The following ZNF474 variants were observed in gnomAD, a reference collection of about 807,000 sequenced individuals.
The protein encoded by ZNF474 is 4933409D10Rik.
For missense variants in ZNF474, 511 were observed against 433.8 expected, an observed-to-expected ratio of 1.18 and a Z score of -1.58; for synonymous variants, 192 against 162.2, an observed-to-expected ratio of 1.18 and a Z score of -1.39.
At chr5:122,129,887 T>C (rs1755537544) in intron 1 of ZNF474, among the ~76,000 whole-genome samples, 1 of 152,200 alleles carries the variant, frequency 6.6e-6, no homozygotes, top group South Asian at 2.1e-4. Context: ...TAATTAGTTC[T>C]TAAGTGAAAA....
intron 1 of ZNF474, chr5:122,147,960 C>G (rs772472170): frequency 6.6e-6 from 1 of 152,186 alleles, no homozygotes; most frequent in East Asian, 1.9e-4. Context: ...ATGGTCAAAA[C>G]GAATAATTCA....
intron 1 of ZNF474, among the ~76,000 whole-genome samples, chr5:122,136,066 G>A (rs1755692742): frequency 6.6e-6 from 1 of 152,110 alleles, no homozygotes; most frequent in Admixed American, 6.6e-5. Flanking sequence ...AAGACGTAAT[G>A]TTCAGGAGCA....
intron 1 of ZNF474, among the ~76,000 whole-genome samples, chr5:122,137,721 G>A (rs2152604067): frequency 6.6e-6 from 1 of 152,314 alleles, no homozygotes; most frequent in Non-Finnish European, 1.5e-5. Flanking sequence ...GATAGGCAGA[G>A]ACTGAGGGAG....
At chr5:122,149,542 G>T (rs1318981012) in intron 1 of ZNF474, among the ~76,000 whole-genome samples, 1 of 152,144 alleles carries the variant, frequency 6.6e-6, no homozygotes, top group Non-Finnish European at 1.5e-5. Context: ...TCTGCTGGAG[G>T]AATTTAGGCA....
At position 122,153,103 on chromosome 5, in the gene ZNF474, A is replaced by G; in HGVS notation, c.*18A>G. ...GCCTGTAGGGGAACAAGAGAAAACT[A>G]TCCCCAGAATCAGCCACCTCAGCCC... On this transcript the variant is annotated 3_prime_UTR_variant, in exon 2 of 2. Transcript: ENST00000296600. The G allele has an allele frequency of 6.3e-7, 1 of 1,585,490 alleles. No individual in the cohort carries two copies. Among genetic ancestry groups the G allele is most frequent in the Non-Finnish European group, 8.6e-7 (1 of 1,165,316 alleles).
At chr5:122,133,216 T>G (rs1428879614) in intron 1 of ZNF474, among the ~76,000 whole-genome samples, 1 of 152,246 alleles carries the variant, frequency 6.6e-6, no homozygotes, top group Non-Finnish European at 1.5e-5. Context: ...ATCTACTATA[T>G]TCCAGACACT....
At chr5:122,135,763 G>C (rs1317842795) in intron 1 of ZNF474, among the ~76,000 whole-genome samples, 1 of 152,058 alleles carries the variant, frequency 6.6e-6, no homozygotes, top group Non-Finnish European at 1.5e-5. Flanking sequence ...GTGGATCAAT[G>C]GATAAAGAAA....
chr5:122,153,080 C>T lies in ZNF474; in HGVS notation c.1090C>T (p.Leu364=). 1 of 1,604,652 alleles carries T rather than the reference C, an allele frequency of 6.2e-7. No homozygotes were observed. Among genetic ancestry groups the T allele is most frequent in the African/African-American group, 1.3e-5 (1 of 74,618 alleles). ...AGGTGAACCTGGTGGTGCCCTCTGC[C>T]TGTAGGGGAACAAGAGAAAACTATC... ...ALGEPGGALC[L] Residue 364 remains leucine (L), a synonymous_variant, in exon 2 of 2, where the codon CTG becomes TTG. Transcript: ENST00000296600.
At chr5:122,149,585 C>G (rs1483677095) in intron 1 of ZNF474, among the ~76,000 whole-genome samples, 1 of 152,136 alleles carries the variant, frequency 6.6e-6, no homozygotes, top group Non-Finnish European at 1.5e-5. Flanking sequence ...CGTATTGGAG[C>G]CAAAGAGAGC....
In ZNF474 at chr5:122,152,669, T is replaced by A; in HGVS notation, c.679T>A (p.Cys227Ser). Residue 227 changes from cysteine (C) to serine (S), a missense_variant, in exon 2 of 2, where the codon TGT (cysteine) becomes AGT (serine). Transcript: ENST00000296600. ...ACCAAGGACTGTTATCTGCTACATA[T>A]GTGGTAAGGAATTTGGCACCCTGTC... ...ARPRTVICYI[C>S]GKEFGTLSLP... 6.2e-7 allele frequency: 1 copy of A among 1,614,164 alleles called. No individual in the cohort carries two copies. Among genetic ancestry groups the A allele is most frequent in the Non-Finnish European group, 8.5e-7 (1 of 1,180,030 alleles).
intron 1 of ZNF474, among the ~76,000 whole-genome samples, chr5:122,137,362 C>T (rs190387576): frequency 4.8e-4 from 67 of 139,962 alleles, no homozygotes; most frequent in African/African-American, 1.2e-3. Flanking sequence ...GCAGGAGAAT[C>T]GCTTGAACCT....
chr5:122,149,922 A>T lies in ZNF474; in HGVS notation c.-212-1857A>T, dbSNP rs370963837. ...GTGTGTGTGTGTGTGTGCGCGCGTG[A>T]GAGAGAGAGAGAGAGAGAGGGAGGG... On this transcript the variant is annotated intron_variant, in intron 1 of 1. Coordinates refer to ENST00000296600, the MANE Select transcript of ZNF474 (RefSeq NM_207317.3). Among the ~76,000 whole-genome samples the T allele has an allele frequency of 2.5e-4, 34 of 135,692 alleles. 1 individual carries two copies. Among genetic ancestry groups the T allele is most frequent in the Admixed American group, 2.4e-3 (33 of 13,934 alleles). The allele number at this position is 135,692 out of a possible 152,430, so 89.0% of individuals were successfully genotyped here.
rs149102681 is a variant in ZNF474 at position 122,149,699 on chromosome 5, C to A, written c.-212-2080C>A. Among the ~76,000 whole-genome samples the A allele has an allele frequency of 2.4e-3, 367 of 152,218 alleles. 1 individual carries two copies. Among genetic ancestry groups the A allele is most frequent in the African/African-American group, 8.6e-3 (358 of 41,534 alleles). ...TACTTATAAAGTTGAAATAATAATA[C>A]CTGCTTCATAATCATTTGAGAATTA... On this transcript the variant is annotated intron_variant, in intron 1 of 1. Transcript: ENST00000296600.
In ZNF474 at chr5:122,152,017, T is replaced by C. The variant is rs1756193712; in HGVS notation, c.27T>C (p.Ile9=). The C allele has an allele frequency of 6.2e-7, 1 of 1,609,364 alleles. No homozygotes were observed. Among genetic ancestry groups the C allele is most frequent in the Non-Finnish European group, 8.5e-7 (1 of 1,178,924 alleles). ...TGGAAAGAGGAAAGAAGAAAAGAAT[T>C]TCCAATAAGTTACAACAAACTTTTC... MERGKKKR[I]SNKLQQTFHH... The change falls in exon 2 of 2, where the codon ATT becomes ATC. Residue 9 remains isoleucine, a synonymous_variant. Coordinates refer to ENST00000296600, the MANE Select transcript of ZNF474 (RefSeq NM_207317.3).
chr5:122,135,674 AAG>A (rs1403728344), intron 1 of ZNF474, among the ~76,000 whole-genome samples: 4 of 152,184 alleles, frequency 2.6e-5, no homozygotes, highest in Admixed American at 6.5e-5. Flanking sequence ...CAGTATGCCA[AAG>A]AGATATCTGC....
At chr5:122,136,667 A>G (rs1755710087) in intron 1 of ZNF474, among the ~76,000 whole-genome samples, 1 of 152,234 alleles carries the variant, frequency 6.6e-6, no homozygotes, top group South Asian at 2.1e-4. Flanking sequence ...CTATAATATT[A>G]TTATAATTCT....
At chr5:122,138,758 A>G (rs1179549826) in intron 1 of ZNF474, among the ~76,000 whole-genome samples, 2 of 152,042 alleles carry the variant, frequency 1.3e-5, no homozygotes, top group East Asian at 3.8e-4. Flanking sequence ...AGAGGAATGC[A>G]TAAGGTCTGT....
chr5:122,153,231 T>C lies in ZNF474; in HGVS notation c.*146T>C, dbSNP rs755902192. 2.6e-5 allele frequency: 25 copies of C among 966,414 alleles called. No homozygotes were observed. Among genetic ancestry groups the C allele is most frequent in the Non-Finnish European group, 3.8e-5 (25 of 665,880 alleles). The allele number at this position is 966,414 out of a possible 1,614,324, so 59.9% of individuals were successfully genotyped here. A position where few individuals can be genotyped will look rare whatever the true frequency, so the allele number is the denominator to read the frequency against. ...CCTATACCTCTCTTGGCTGAATAGA[T>C]ATAAGAACATCCTTGCCTGATGGGT... On this transcript the variant is annotated 3_prime_UTR_variant, in exon 2 of 2. Transcript: ENST00000296600.
chr5:122,151,893 C>T lies in ZNF474; in HGVS notation c.-98C>T, dbSNP rs1375733230. 1 of 1,463,072 alleles carries T rather than the reference C, an allele frequency of 6.8e-7. No individual in the cohort carries two copies. Among genetic ancestry groups the T allele is most frequent in the Admixed American group, 2.2e-5 (1 of 44,984 alleles). 90.6% of individuals were successfully genotyped at this position (1,463,072 alleles called of 1,614,324 possible). On this transcript the variant is annotated 5_prime_UTR_variant, in exon 2 of 2. Transcript: ENST00000296600. The stretch of plus-strand genomic sequence containing the variant: ...TAAGGTACTGGCAACGGTGTGAACC[C>T]CAGGACAACTAACCTCACTAACCTT...
Sources: gnomAD v4.1 joint callset for allele counts (sites outside exome capture counted in the v4.1 genomes callset) on GRCh38, gnomAD v4.1.1 for gene constraint, MANE v1.5 for transcripts, NCBI Gene and HGNC (gene_info 2026-07-23, HGNC 2026-07-21) for gene names.